Variants in ZNF407 observed in about 807,000 individuals in gnomAD.
The protein encoded by ZNF407 is zinc finger protein 407.
ZNF407 carries 17 observed loss-of-function variants against 131.2 expected under a neutral mutation model. The observed-to-expected ratio is 0.13, with a 90% CI of 0.09 to 0.19. The LOEUF is 0.19. ZNF407 is among the 10% of genes least tolerant of loss of function. ZNF407 has a pLI of 1.00. For synonymous variants in ZNF407, 1,156 were observed against 1,062.0 expected (o/e 1.09, Z -1.72); for missense variants, 2,681 against 2,830.6 (o/e 0.95, Z 1.20).
intron 4 of ZNF407, among the ~76,000 whole-genome samples, chr18:74,802,737 G>T (rs950263967): frequency 2.0e-5 from 3 of 152,118 alleles, no homozygotes; most frequent in Non-Finnish European, 4.4e-5. Context: ...TATTTAAATT[G>T]CATATTTTTA....
rs367593613 is a variant in ZNF407 at position 74,631,244 on chromosome 18, C to T, written c.225C>T (p.Arg75=). The change falls in exon 2 of 9, where the codon CGC becomes CGT. Residue 75 remains arginine (R), a synonymous_variant. Transcript: ENST00000299687. ...ACAGAAATAAACATGCTTCCAAACG[C>T]AGGAAATTAGATGAGGCAGAGCCCC... is the stretch of plus-strand genomic sequence containing the variant. ...GEDRNKHASK[R]RKLDEAEPLK... 2.9e-5 allele frequency: 46 copies of T among 1,613,716 alleles called. No individual in the cohort carries two copies. The highest frequency in any genetic ancestry group is 1.4e-5 in the Non-Finnish European group (17 of 1,179,868).
intron 4 of ZNF407, among the ~76,000 whole-genome samples, chr18:74,867,449 G>A (rs1971029033): frequency 6.6e-6 from 1 of 152,134 alleles, no homozygotes; most frequent in African/African-American, 2.4e-5. Flanking sequence ...CGTGTCCTGT[G>A]CCCAATGTTG....
At chr18:74,715,377 C>G (rs1224136647) in intron 3 of ZNF407, among the ~76,000 whole-genome samples, 1 of 152,244 alleles carries the variant, frequency 6.6e-6, no homozygotes, top group Non-Finnish European at 1.5e-5. Context: ...GTGCCAGACT[C>G]TGGCATATTG....
At chr18:74,926,210 A>C (rs943923939) in intron 8 of ZNF407, among the ~76,000 whole-genome samples, 1 of 152,168 alleles carries the variant, frequency 6.6e-6, no homozygotes, top group South Asian at 2.1e-4. Flanking sequence ...TGGTATTTTG[A>C]TAGCTGATGT....
At chr18:74,773,887 G>C (rs1969412869) in intron 3 of ZNF407, among the ~76,000 whole-genome samples, 1 of 152,212 alleles carries the variant, frequency 6.6e-6, no homozygotes, top group Non-Finnish European at 1.5e-5. Flanking sequence ...AGTGATCAGA[G>C]TTAGCACCCA....
intron 4 of ZNF407, 96 bp from the exon 5 acceptor site, chr18:74,877,101 G>T (rs1483787664): frequency 9.5e-7 from 1 of 1,050,034 alleles, no homozygotes; most frequent in Admixed American, 1.8e-5. Context: ...GAGGCTGCGT[G>T]TGCACCGCAC....
chr18:74,969,084 A>AT (rs1459798017), intron 8 of ZNF407, among the ~76,000 whole-genome samples: 2 of 151,872 alleles, frequency 1.3e-5, no homozygotes, highest in South Asian at 2.1e-4. Context: ...TTTTTATTGC[A>AT]TTTTTTCAGT....
rs898615472 is a variant in ZNF407 at position 74,655,567 on chromosome 18, T to C, written c.4802+14445T>C. 2.0e-5 allele frequency among the ~76,000 whole-genome samples: 3 copies of C among 152,268 alleles called. No individual in the cohort carries two copies. The South Asian group carries it at 6.2e-4, about 32-fold the overall frequency. ...TAAATATAACTGTATGATGTCTGAG[T>C]AAATGATTCTGAATTTATTGTGTAT... is the stretch of plus-strand genomic sequence containing the variant. On this transcript the variant is annotated intron_variant, in intron 3 of 8. Coordinates refer to ENST00000299687, the MANE Select transcript of ZNF407 (RefSeq NM_017757.3).
intron 8 of ZNF407, among the ~76,000 whole-genome samples, chr18:75,045,164 T>C (rs2122248615): frequency 6.6e-6 from 1 of 152,204 alleles, no homozygotes. Context: ...ACATAACATG[T>C]GCCTGTGTAT....
chr18:74,791,052 CTG>C (rs1220770966), intron 4 of ZNF407, among the ~76,000 whole-genome samples: 7 of 152,178 alleles, frequency 4.6e-5, no homozygotes, highest in Non-Finnish European at 7.3e-5. Context: ...TCTGCTAACA[CTG>C]TGGTGTTTTC....
intron 3 of ZNF407, among the ~76,000 whole-genome samples, chr18:74,657,705 A>G (rs149373260): frequency 6.6e-6 from 1 of 152,220 alleles, no homozygotes; most frequent in East Asian, 1.9e-4. Context: ...ATCACTTCTT[A>G]TACCCCACTG....
intron 4 of ZNF407, among the ~76,000 whole-genome samples, chr18:74,848,593 A>G (rs980011708): frequency 1.3e-5 from 2 of 152,228 alleles, no homozygotes; most frequent in Non-Finnish European, 2.9e-5. Flanking sequence ...TAAATTTGAT[A>G]AAATATTTTA....
At chr18:74,970,939 ATCT>A (rs1459669454) in intron 8 of ZNF407, among the ~76,000 whole-genome samples, 2 of 152,166 alleles carry the variant, frequency 1.3e-5, no homozygotes, top group African/African-American at 2.4e-5. Flanking sequence ...ATTTCCATAC[ATCT>A]TCTGAAATCT....
chr18:74,987,695 GA>G lies in ZNF407; in HGVS notation c.5428+67013del, dbSNP rs1032803003. On this transcript the variant is annotated intron_variant, in intron 8 of 8. Coordinates refer to ENST00000299687, the MANE Select transcript of ZNF407 (RefSeq NM_017757.3). ...GAAATTAAATTTTAAAGCAAAACTA[GA>G]AAAAAAAAACTGGATTAGAATAATG... 4.9e-3 allele frequency among the ~76,000 whole-genome samples: 717 copies of G among 145,938 alleles called. 4 individuals carry two copies. The highest frequency in any genetic ancestry group is 5.4e-3 in the Non-Finnish European group (359 of 66,026).
At chr18:74,853,170 G>C (rs1021381167) in intron 4 of ZNF407, among the ~76,000 whole-genome samples, 2 of 152,150 alleles carry the variant, frequency 1.3e-5, no homozygotes, top group African/African-American at 2.4e-5. Flanking sequence ...TATCATATCT[G>C]AATTGTCAGA....
At chr18:74,721,008 T>G (rs1236738591) in intron 3 of ZNF407, among the ~76,000 whole-genome samples, 4 of 148,718 alleles carry the variant, frequency 2.7e-5, no homozygotes, top group Non-Finnish European at 5.9e-5. Flanking sequence ...ATTTTCAGAG[T>G]TTTTTTTTCT....
chr18:74,881,230 G>A, intron 6 of ZNF407, 111 bp downstream of exon 6: 1 of 969,264 alleles, frequency 1.0e-6, no homozygotes, highest in South Asian at 1.6e-5. Flanking sequence ...TATAACATCT[G>A]TGCACTTGAA....
At chr18:74,642,397 T>C (rs1278483940) in intron 3 of ZNF407, among the ~76,000 whole-genome samples, 1 of 152,156 alleles carries the variant, frequency 6.6e-6, no homozygotes, top group Non-Finnish European at 1.5e-5. Flanking sequence ...TTTTACCATA[T>C]GAGTTATAGG....
At chr18:74,650,152 C>T (rs1179907319) in intron 3 of ZNF407, among the ~76,000 whole-genome samples, 1 of 152,102 alleles carries the variant, frequency 6.6e-6, no homozygotes, top group Non-Finnish European at 1.5e-5. Context: ...AACAAATAAT[C>T]GAAAATGTCT....
Sources: gnomAD v4.1 joint callset for allele counts (sites outside exome capture counted in the v4.1 genomes callset) on GRCh38, gnomAD v4.1.1 for gene constraint, MANE v1.5 for transcripts, NCBI Gene and HGNC (gene_info 2026-07-23, HGNC 2026-07-21) for gene names.